The following CEMIP variants were observed in gnomAD, a reference collection of about 807,000 sequenced individuals.
The protein encoded by CEMIP is cell migration-inducing and hyaluronan-binding protein.
CEMIP carries 105 observed loss-of-function variants against 156.9 expected under a neutral mutation model. That is an observed-to-expected ratio of 0.67 (90% CI 0.57 to 0.79). CEMIP has a LOEUF of 0.79. CEMIP is among the 30% of genes least tolerant of loss of function. The probability of loss-of-function intolerance (pLI) is 0.00; values close to 1 mark genes in which losing one functional copy is unlikely to be tolerated. For missense variants in CEMIP, 1,457 were observed against 1,769.4 expected (o/e 0.82, Z 3.17); for synonymous variants, 676 against 668.4 (o/e 1.01, Z -0.17).
Position 80,922,026 on chromosome 15 carries a change from T to C in CEMIP, c.2091T>C (p.Phe697=). Residue 697 remains phenylalanine, a synonymous_variant, in exon 17 of 30, where the codon TTT becomes TTC. Coordinates refer to ENST00000394685, the MANE Select transcript of CEMIP (RefSeq NM_001293298.2). Reference sequence around the variant, plus strand: ...CCCAACAGGAAACTGGATTTTGGTTTATTTTTCACCACGTACCAACGGGCC... The same window carrying C: ...CCCAACAGGAAACTGGATTTTGGTTCATTTTTCACCACGTACCAACGGGCC... ...AAGSEETGFW[F]IFHHVPTGPS... is the part of the protein sequence containing the mutation. 3 of 1,614,272 alleles carry C rather than the reference T, an allele frequency of 1.9e-6. No homozygotes were observed. Among genetic ancestry groups the C allele is most frequent in the Non-Finnish European group, 2.5e-6 (3 of 1,180,046 alleles).
At chr15:80,878,402 T>C (rs557424230) in intron 3 of CEMIP, among the ~76,000 whole-genome samples, 2 of 152,324 alleles carry the variant, frequency 1.3e-5, no homozygotes, top group South Asian at 2.1e-4. Flanking sequence ...AGGTAAATCA[T>C]TGCATAACTT....
At chr15:80,935,950 C>G (rs1475085309) in intron 23 of CEMIP, among the ~76,000 whole-genome samples, 1 of 152,204 alleles carries the variant, frequency 6.6e-6, no homozygotes, top group South Asian at 2.1e-4. Flanking sequence ...GTTGGTCAGG[C>G]TGGTCTCGAA....
chr15:80,937,861 C>T lies in CEMIP; in HGVS notation c.3289C>T (p.His1097Tyr), dbSNP rs749263646. 1 of 1,614,234 alleles carries T rather than the reference C, an allele frequency of 6.2e-7. No individual in the cohort carries two copies. The highest frequency in any genetic ancestry group is 8.5e-7 in the Non-Finnish European group (1 of 1,180,030). Residue 1097 changes from histidine to tyrosine, a missense_variant, in exon 25 of 30, where the codon CAC becomes TAC. Physicochemically the swap from His to Tyr is moderately conservative, Grantham distance 83 (BLOSUM62 2). Transcript: ENST00000394685. The stretch of plus-strand genomic sequence containing the variant: ...CACATTCTCCATCCTCTCGGATGTT[C>T]ACAATCGCCTGCTGAAGCAAACGTC... ...GTTFSILSDV[H>Y]NRLLKQTSKT... is the part of the protein sequence containing the mutation.
rs115987832 is a variant in CEMIP, at chr15:80,875,721, G to A, written c.94+1748G>A. On this transcript the variant is annotated intron_variant, in intron 3 of 29. Coordinates refer to ENST00000394685, the MANE Select transcript of CEMIP (RefSeq NM_001293298.2). ...CTCCCTCTCAATCCCGCTTCTGGTGGCCCCTCCTGGGAAAGTGAGGGTGGT... is the reference window on the plus strand; with the variant it reads ...CTCCCTCTCAATCCCGCTTCTGGTGACCCCTCCTGGGAAAGTGAGGGTGGT... 4.5e-3 allele frequency among the ~76,000 whole-genome samples: 682 copies of A among 152,282 alleles called. 6 individuals are homozygous for A. Among genetic ancestry groups the A allele is most frequent in the African/African-American group, 0.016 (651 of 41,572 alleles).
At chr15:80,794,077 C>A (rs1441481514) in intron 1 of CEMIP, among the ~76,000 whole-genome samples, 1 of 152,140 alleles carries the variant, frequency 6.6e-6, no homozygotes, top group African/African-American at 2.4e-5. Context: ...AACTTGAGGT[C>A]AAAGACCCTC....
At chr15:80,921,710 C>T (rs991371708) in intron 16 of CEMIP, among the ~76,000 whole-genome samples, 1 of 152,224 alleles carries the variant, frequency 6.6e-6, no homozygotes, top group African/African-American at 2.4e-5. Flanking sequence ...GAAATCCCCC[C>T]ATTGTGTGTC....
intron 10 of CEMIP, among the ~76,000 whole-genome samples, chr15:80,891,358 A>G (rs1040293428): frequency 6.6e-6 from 1 of 152,200 alleles, no homozygotes; most frequent in Non-Finnish European, 1.5e-5. Context: ...AATTAAACCC[A>G]GGCTGAGAGC....
At chr15:80,824,289 C>T (rs2141661427) in intron 1 of CEMIP, among the ~76,000 whole-genome samples, 1 of 152,290 alleles carries the variant, frequency 6.6e-6, no homozygotes, top group East Asian at 1.9e-4. Context: ...CTGCAGCTCC[C>T]CCACCCTCAC....
At chr15:80,926,819 T>TGGG (rs573787196) in intron 19 of CEMIP, among the ~76,000 whole-genome samples, 10 of 23,302 alleles carry the variant, frequency 4.3e-4, no homozygotes, top group Non-Finnish European at 8.9e-4. Context: ...ACTGAGCGGG[T>TGGG]GGGGGGGGGG....
rs1900955907 is a variant in CEMIP, at chr15:80,932,441, TTC to T, written c.2793+404_2793+405del. Among the ~76,000 whole-genome samples the T allele has an allele frequency of 1.3e-5, 2 of 152,202 alleles. No homozygotes were observed. Among genetic ancestry groups the T allele is most frequent in the South Asian group, 2.1e-4 (1 of 4,826 alleles). ...CCAAGGGAAGTCTTAGCTGATGATG[TTC>T]TGTTTAATCTCTCCCCGAGAGCAGA... On this transcript the variant is annotated intron_variant, in intron 22 of 29. Transcript: ENST00000394685. This position sits in a 1 kb window ranked among gnomAD's most constrained non-coding sequence, Gnocchi z 4.5.
intron 1 of CEMIP, among the ~76,000 whole-genome samples, chr15:80,860,036 TACAC>T (rs1596139546): frequency 6.6e-6 from 1 of 152,022 alleles, no homozygotes; most frequent in African/African-American, 2.4e-5. Flanking sequence ...CACACACACA[TACAC>T]ACACAGGGAC....
chr15:80,887,054 C>A (rs546601711), intron 7 of CEMIP, among the ~76,000 whole-genome samples: 1 of 152,172 alleles, frequency 6.6e-6, no homozygotes, highest in African/African-American at 2.4e-5. Flanking sequence ...TTAGGCATTA[C>A]GCAAAATGCC....
intron 14 of CEMIP, among the ~76,000 whole-genome samples, chr15:80,917,077 A>G (rs1281595407): frequency 6.6e-6 from 1 of 152,214 alleles, no homozygotes; most frequent in African/African-American, 2.4e-5. Flanking sequence ...TAAATAAGAC[A>G]ACATGTAAAA....
intron 1 of CEMIP, among the ~76,000 whole-genome samples, chr15:80,826,035 C>T (rs896507849): frequency 6.6e-6 from 1 of 152,164 alleles, no homozygotes; most frequent in African/African-American, 2.4e-5. Flanking sequence ...GGAACTTCAC[C>T]ATCTGCACGT....
At chr15:80,884,103 G>A (rs1410093138) in intron 6 of CEMIP, 72 bp from the exon 7 acceptor site, 2 of 1,409,546 alleles carry the variant, frequency 1.4e-6, no homozygotes, top group Non-Finnish European at 2.0e-6. Flanking sequence ...TCGCAGCACA[G>A]GCATGTGCTT....
rs568880342 is a variant in CEMIP, at chr15:80,881,024, C to T, written c.505C>T (p.His169Tyr). The T allele has an allele frequency of 2.5e-6, 4 of 1,614,236 alleles. No homozygotes were observed. The Admixed American group carries it at 5.0e-5, about 20-fold the overall frequency. ...CTGGACATTTCTGAACAAGACCCTT[C>T]ACCCAGGTGGCATGGCAGAAGGAGG... ...LSWTFLNKTL[H>Y]PGGMAEGGYF... Residue 169 changes from histidine to tyrosine, a missense_variant, in exon 6 of 30, where the codon CAC becomes TAC. By Grantham distance (83) the His-to-Tyr change is moderately conservative. Around this residue, in one of 5 missense-constraint regions of CEMIP, gnomAD observed 309 missense variants for 340.8 expected, o/e 0.91. Transcript: ENST00000394685.
At chr15:80,820,656 G>A (rs1896889010) in intron 1 of CEMIP, among the ~76,000 whole-genome samples, 1 of 152,228 alleles carries the variant, frequency 6.6e-6, no homozygotes, top group African/African-American at 2.4e-5. Context: ...TAGTTATTAA[G>A]GGCACAGGCC....
chr15:80,789,269 G>A (rs74420622), intron 1 of CEMIP, among the ~76,000 whole-genome samples: 9,314 of 152,254 alleles, frequency 0.061, 331 homozygotes, highest in East Asian at 0.074. Flanking sequence ...GGGGTGTGGG[G>A]CTTCCAGAGA....
intron 11 of CEMIP, among the ~76,000 whole-genome samples, chr15:80,895,653 C>T (rs1899193671): frequency 6.6e-6 from 1 of 152,048 alleles, no homozygotes; most frequent in Non-Finnish European, 1.5e-5. Context: ...TGGAAAATTC[C>T]CCCGCCCAGA....
Sources: gnomAD v4.1 joint callset for allele counts (sites outside exome capture counted in the v4.1 genomes callset) on GRCh38, gnomAD v4.1.1 for gene constraint, gnomAD v4.1.1 regional missense constraint, Gnocchi (gnomAD v3.1) non-coding constraint, MANE v1.5 for transcripts, NCBI Gene and HGNC (gene_info 2026-07-23, HGNC 2026-07-21) for gene names.